The following COG5 variants were observed in gnomAD, a reference collection of about 807,000 sequenced individuals.
COG5 encodes the protein conserved oligomeric Golgi complex subunit 5.
In COG5, 86 loss-of-function variants were observed where a neutral mutation model predicts 110.4. That is an observed-to-expected ratio of 0.78 (90% CI 0.65 to 0.93). COG5 has a LOEUF of 0.93. Among genes scored for constraint, COG5 ranks in the 40% least tolerant of loss-of-function variants. The pLI is 0.00. For synonymous variants in COG5, 360 were observed against 334.6 expected, an observed-to-expected ratio of 1.08 and a Z score of -0.83; for missense variants, 1,077 against 987.0, an observed-to-expected ratio of 1.09 and a Z score of -1.22.
At chr7:107,512,478 A>T (rs1275013566) in intron 6 of COG5, among the ~76,000 whole-genome samples, 1 of 152,140 alleles carries the variant, frequency 6.6e-6, no homozygotes, top group Non-Finnish European at 1.5e-5. Flanking sequence ...TGCCCAAGGT[A>T]ATTTATAGAT....
At chr7:107,524,874 T>A (rs1046490365) in intron 6 of COG5, among the ~76,000 whole-genome samples, 1 of 152,174 alleles carries the variant, frequency 6.6e-6, no homozygotes, top group Non-Finnish European at 1.5e-5. Flanking sequence ...TTACACTGCA[T>A]TATACTAACT....
intron 6 of COG5, among the ~76,000 whole-genome samples, chr7:107,458,675 T>G (rs1019864609): frequency 6.6e-6 from 1 of 152,024 alleles, no homozygotes; most frequent in African/African-American, 2.4e-5. Flanking sequence ...TTAGGCAACA[T>G]AGCAAGATTC....
intron 6 of COG5, among the ~76,000 whole-genome samples, chr7:107,414,566 C>G (rs1273520855): frequency 6.6e-6 from 1 of 151,980 alleles, no homozygotes. Context: ...CACATGGCTA[C>G]CGGAATAAAT....
chr7:107,408,327 T>C (rs1156588768), intron 7 of COG5, among the ~76,000 whole-genome samples: 2 of 152,216 alleles, frequency 1.3e-5, no homozygotes, highest in Non-Finnish European at 2.9e-5. Flanking sequence ...TGCTGGTCCT[T>C]AGATGAGCTG....
intron 10 of COG5, among the ~76,000 whole-genome samples, chr7:107,342,490 C>T (rs1454562096): frequency 6.6e-6 from 1 of 151,816 alleles, no homozygotes; most frequent in African/African-American, 2.4e-5. Flanking sequence ...CAAGCATGGC[C>T]AACCTGGTGA....
chr7:107,319,700 T>C (rs999903679), intron 11 of COG5, among the ~76,000 whole-genome samples: 1 of 152,220 alleles, frequency 6.6e-6, no homozygotes, highest in African/African-American at 2.4e-5. Context: ...ATGACCTTTT[T>C]TCTTTCTTTT....
intron 13 of COG5, among the ~76,000 whole-genome samples, chr7:107,282,701 T>G (rs1268116854): frequency 6.6e-6 from 1 of 152,040 alleles, no homozygotes; most frequent in African/African-American, 2.4e-5. Context: ...TTTGTATTTT[T>G]AGTAGAGATG....
At chr7:107,523,240 T>C (rs1490620149) in intron 6 of COG5, among the ~76,000 whole-genome samples, 1 of 152,180 alleles carries the variant, frequency 6.6e-6, no homozygotes, top group African/African-American at 2.4e-5. Flanking sequence ...TTGTTAGACT[T>C]ATCCTTAAGT....
chr7:107,325,877 G>A (rs954364606), intron 10 of COG5, among the ~76,000 whole-genome samples: 2 of 152,058 alleles, frequency 1.3e-5, no homozygotes, highest in African/African-American at 2.4e-5. Context: ...CTCAAGAACT[G>A]TTAATCATAA....
At chr7:107,497,584 TAAGA>T (rs1412543457) in intron 6 of COG5, among the ~76,000 whole-genome samples, 2 of 151,952 alleles carry the variant, frequency 1.3e-5, no homozygotes, top group South Asian at 2.1e-4. Context: ...CAGACTTAAG[TAAGA>T]AAGTGAAAGA....
chr7:107,563,670 C>G, intron 1 of COG5, 133 bp downstream of exon 1: 2 of 984,942 alleles, frequency 2.0e-6, no homozygotes, highest in Non-Finnish European at 3.2e-6. Context: ...GCCAGGGGGC[C>G]GGGCGGAGGG....
chr7:107,252,030 G>T (rs926324371), intron 16 of COG5, among the ~76,000 whole-genome samples: 1 of 151,988 alleles, frequency 6.6e-6, no homozygotes, highest in Non-Finnish European at 1.5e-5. Flanking sequence ...TGAAAAAGAG[G>T]TTATTCTTAT....
intron 10 of COG5, among the ~76,000 whole-genome samples, chr7:107,355,456 G>C (rs1368387590): frequency 6.6e-6 from 1 of 152,142 alleles, no homozygotes; most frequent in Non-Finnish European, 1.5e-5. Flanking sequence ...CTGAGCAAGA[G>C]GTGAAAACCA....
chr7:107,415,047 C>A (rs1004658668), intron 6 of COG5, among the ~76,000 whole-genome samples: 2 of 151,970 alleles, frequency 1.3e-5, no homozygotes, highest in Non-Finnish European at 2.9e-5. Context: ...CTTTTACTAG[C>A]CTCCTCCTTT....
intron 11 of COG5, among the ~76,000 whole-genome samples, chr7:107,318,464 A>C (rs1427320648): frequency 1.3e-5 from 2 of 152,236 alleles, no homozygotes; most frequent in African/African-American, 2.4e-5. Context: ...TAGAGTGATA[A>C]AGCACATTTT....
chr7:107,226,587 C>G (rs1342663913), intron 19 of COG5, among the ~76,000 whole-genome samples: 1 of 152,208 alleles, frequency 6.6e-6, no homozygotes, highest in African/African-American at 2.4e-5. Context: ...ATGACAACTG[C>G]AAAGAAGCTG....
At chr7:107,544,222 G>A (rs1230508418) in intron 5 of COG5, among the ~76,000 whole-genome samples, 2 of 151,946 alleles carry the variant, frequency 1.3e-5, no homozygotes, top group African/African-American at 4.8e-5. Flanking sequence ...CCACCCCCAT[G>A]GTCCCAGGTG....
intron 12 of COG5, among the ~76,000 whole-genome samples, chr7:107,295,417 C>A (rs1211086505): frequency 6.6e-6 from 1 of 151,996 alleles, no homozygotes; most frequent in African/African-American, 2.4e-5. Flanking sequence ...TTATTTGCTT[C>A]ATAGCAATTA....
rs1394363341 is a variant in COG5 at position 107,527,128 on chromosome 7, T to C, written c.538+109A>G. 4.3e-6 allele frequency: 4 copies of C among 940,984 alleles called. No homozygotes were observed. The African/African-American group carries it at 6.7e-5, about 16-fold the overall frequency. 58.3% of individuals were successfully genotyped at this position (940,984 alleles called of 1,614,324 possible). A position where few individuals can be genotyped will look rare whatever the true frequency, so the allele number is the denominator to read the frequency against. On this transcript the variant is annotated intron_variant, in intron 6 of 21. Transcript: ENST00000297135. ...TTGTATACAGCCAATTATTTAAAAA[T>C]TTGTTTAATAGTACTTGCTAATGGT...
Sources: allele counts gnomAD v4.1 joint callset (sites outside exome capture counted in the v4.1 genomes callset), GRCh38; gene constraint gnomAD v4.1.1; transcripts MANE v1.5; gene names NCBI Gene and HGNC (gene_info 2026-07-23, HGNC 2026-07-21).